PNPLA5: variants seen among roughly 807,000 people sequenced by gnomAD.
PNPLA5 encodes patatin-like phospholipase domain-containing protein 5.
In PNPLA5, 44 loss-of-function variants were observed where a neutral mutation model predicts 49.1. The ratio of observed to expected loss-of-function variants is 0.90; its 90% CI spans 0.70 to 1.15. PNPLA5 has a LOEUF of 1.15. Among genes scored for constraint, PNPLA5 ranks in the 50% most tolerant of loss-of-function variants. The pLI, the probability that PNPLA5 is intolerant of heterozygous loss-of-function variation, is 0.00. For missense variants in PNPLA5, 603 were observed against 564.0 expected (o/e 1.07, Z -0.70); for synonymous variants, 243 against 244.4 (o/e 0.99, Z 0.06).
intron 2 of PNPLA5, 189 bp from the exon 3 acceptor site, chr22:43,890,053 C>A: frequency 7.3e-7 from 1 of 1,375,082 alleles, no homozygotes; most frequent in South Asian, 1.6e-5. Flanking sequence ...GCACCTCTGT[C>A]TTGACACCCA....
At position 43,884,314 on chromosome 22, in the gene PNPLA5, G is replaced by A; in HGVS notation, c.981C>T (p.Ser327=). Residue 327 remains serine (S), a synonymous_variant, in exon 7 of 9, where the codon AGC becomes AGT. Transcript: ENST00000216177. ...ALKKACTRDP[S]RWARFWHSGP... is the part of the protein sequence containing the mutation. ...CCGAGTGCCAGAAGCGGGCCCACCG[G>A]CTGGGATCCCTCGTACATGCTTTCT... The A allele has an allele frequency of 6.3e-7, 1 of 1,596,782 alleles. No homozygotes were observed. Among genetic ancestry groups the A allele is most frequent in the East Asian group, 2.3e-5 (1 of 42,996 alleles).
Position 43,881,574 on chromosome 22 carries a change from G to A in PNPLA5, c.1183C>T (p.Leu395Phe). 6.2e-7 allele frequency: 1 copy of A among 1,600,616 alleles called. No individual in the cohort carries two copies. Among genetic ancestry groups the A allele is most frequent in the South Asian group, 1.1e-5 (1 of 88,686 alleles). The change falls in exon 8 of 9, where the codon CTC (leucine) becomes TTC (phenylalanine). Residue 395 changes from leucine (L) to phenylalanine (F), a missense_variant. Transcript: ENST00000216177. ...LEVFSRTKAQLLGPISPPATR... is the reference protein window; with the variant it reads ...LEVFSRTKAQFLGPISPPATR... The stretch of plus-strand genomic sequence containing the variant: ...CCACCTCACCTGATGGGCCCAAGGA[G>A]CTGGGCCTTGGTCCTGGAGAAAACC...
At chr22:43,885,282 G>A (rs965297721) in intron 6 of PNPLA5, among the ~76,000 whole-genome samples, 2 of 152,084 alleles carry the variant, frequency 1.3e-5, no homozygotes, top group African/African-American at 4.8e-5. Context: ...TGTGGTCTCC[G>A]GCATGGAAAG....
intron 7 of PNPLA5, among the ~76,000 whole-genome samples, chr22:43,883,447 C>T (rs991622638): frequency 7.2e-5 from 11 of 152,256 alleles, no homozygotes; most frequent in African/African-American, 2.4e-4. Context: ...CAGACGGGCA[C>T]ATTAACCAGC....
intron 1 of PNPLA5, 95 bp downstream of exon 1, chr22:43,891,593 C>A: frequency 7.1e-7 from 1 of 1,412,410 alleles, no homozygotes; most frequent in Non-Finnish European, 9.4e-7. Flanking sequence ...GGGTAGAGGG[C>A]GCAGAGCACA....
chr22:43,887,672 G>A (rs2049679956), intron 4 of PNPLA5, 21 bp from the exon 5 acceptor site: 2 of 1,592,774 alleles, frequency 1.3e-6, no homozygotes, highest in Non-Finnish European at 1.7e-6. Flanking sequence ...ACAGGGCAAG[G>A]GTGAGATGGG....
chr22:43,891,289 A>G lies in PNPLA5; in HGVS notation c.199T>C (p.Cys67Arg). The change falls in exon 2 of 9, where the codon TGC (cysteine) becomes CGC (arginine). Residue 67 changes from cysteine to arginine, a missense_variant. Cys to Arg is a radical substitution (Grantham distance 180, BLOSUM62 -3). Coordinates refer to ENST00000216177, the MANE Select transcript of PNPLA5 (RefSeq NM_138814.4). ...ACCATGCCCAGGAGGTGGGAGCAGC[A>G]GAAGTCTGCAGTGGGGGCAGGGAAA... ...SIVCGKSVDFCCSHLLGMVGQ... is the reference protein window; with the variant it reads ...SIVCGKSVDFRCSHLLGMVGQ... 6.4e-7 allele frequency: 1 copy of G among 1,555,528 alleles called. No homozygotes were observed. The highest frequency in any genetic ancestry group is 8.7e-7 in the Non-Finnish European group (1 of 1,152,570).
chr22:43,889,233 C>T, intron 4 of PNPLA5, 96 bp downstream of exon 4: 3 of 1,395,854 alleles, frequency 2.1e-6, no homozygotes, highest in Non-Finnish European at 3.0e-6. Context: ...TGCCTTCAGG[C>T]TCGGGGGGCA....
At chr22:43,886,709 A>G in intron 5 of PNPLA5, 1 of 651,806 alleles carries the variant, frequency 1.5e-6, no homozygotes, top group Non-Finnish European at 1.9e-6. Context: ...CCAGACCCCA[A>G]AGACACAATC....
intron 3 of PNPLA5, 63 bp from the exon 4 acceptor site, chr22:43,889,601 C>T (rs755700767): frequency 3.9e-6 from 6 of 1,547,954 alleles, no homozygotes; most frequent in Non-Finnish European, 4.4e-6. Flanking sequence ...ACACTGGCTG[C>T]AGCCGGTGAC....
chr22:43,880,615 G>C lies in PNPLA5; in HGVS notation c.*180C>G. ...GGCAAGAGGGAGGGCAGGTGACCTG[G>C]GTACACAGTGACCGGGGACATGCTG... On this transcript the variant is annotated 3_prime_UTR_variant, in exon 9 of 9. Transcript: ENST00000216177. 2.0e-6 allele frequency: 1 copy of C among 499,270 alleles called. No individual in the cohort carries two copies. The highest frequency in any genetic ancestry group is 3.1e-6 in the Non-Finnish European group (1 of 317,736). 30.9% of individuals were successfully genotyped at this position (499,270 alleles called of 1,614,324 possible). A position where few individuals can be genotyped will look rare whatever the true frequency, so the allele number is the denominator to read the frequency against.
At chr22:43,887,314 C>G (rs1425062028) in intron 5 of PNPLA5, among the ~76,000 whole-genome samples, 1 of 152,160 alleles carries the variant, frequency 6.6e-6, no homozygotes, top group Admixed American at 6.5e-5. Flanking sequence ...CTCTGGACTC[C>G]CACAGCCTTG....
At position 43,886,363 on chromosome 22, in the gene PNPLA5, G is replaced by T. The variant is rs141704319; in HGVS notation, c.889C>A (p.Pro297Thr). ...GGTACATCCTTGACTTGCACATGGG[G>T]CACTTTCCAGTTGAGAGACAGGCCC... ...KGGLSLNWKVPHVQVKDVPNF... is the reference protein window; with the variant it reads ...KGGLSLNWKVTHVQVKDVPNF... The change falls in exon 6 of 9, where the codon CCC (proline) becomes ACC (threonine). Residue 297 changes from proline (P) to threonine (T), a missense_variant. Transcript: ENST00000216177. The T allele has an allele frequency of 1.9e-6, 3 of 1,614,034 alleles. No homozygotes were observed. The African/African-American group carries it at 4.0e-5, about 22-fold the overall frequency.
At chr22:43,889,935 T>C (rs772342082) in intron 2 of PNPLA5, 71 bp from the exon 3 acceptor site, 10 of 1,570,120 alleles carry the variant, frequency 6.4e-6, no homozygotes, top group Non-Finnish European at 8.6e-6. Flanking sequence ...CTAGGCACGG[T>C]TTCTAATCCC....
chr22:43,881,862 G>A, intron 7 of PNPLA5, 188 bp from the exon 8 acceptor site: 1 of 701,940 alleles, frequency 1.4e-6, no homozygotes, highest in South Asian at 6.3e-5. Context: ...ACACCTGCAG[G>A]GTTGGAAAGA....
intron 1 of PNPLA5, 107 bp downstream of exon 1, chr22:43,891,580 CG>C: frequency 1.5e-6 from 2 of 1,373,360 alleles, no homozygotes; most frequent in African/African-American, 1.5e-5. Flanking sequence ...GAGGCTGTGC[CG>C]GGGGTAGAGG....
chr22:43,891,636 G>T (rs1386457009), intron 1 of PNPLA5, 52 bp downstream of exon 1: 3 of 1,486,674 alleles, frequency 2.0e-6, no homozygotes, highest in Non-Finnish European at 2.7e-6. Flanking sequence ...GGCTCGATCC[G>T]CTTTCATTAA....
intron 4 of PNPLA5, 100 bp downstream of exon 4, chr22:43,889,229 C>T: frequency 7.3e-7 from 1 of 1,372,434 alleles, no homozygotes; most frequent in South Asian, 1.3e-5. Flanking sequence ...TAACTGCCTT[C>T]AGGCTCGGGG....
chr22:43,882,157 C>T (rs532363321), intron 7 of PNPLA5, among the ~76,000 whole-genome samples: 1 of 152,336 alleles, frequency 6.6e-6, no homozygotes, highest in East Asian at 1.9e-4. Flanking sequence ...ACCCCATGCC[C>T]CTTCGTCCAC....
Sources: allele counts gnomAD v4.1 joint callset (sites outside exome capture counted in the v4.1 genomes callset), GRCh38; gene constraint gnomAD v4.1.1; transcripts MANE v1.5; gene names NCBI Gene and HGNC (gene_info 2026-07-23, HGNC 2026-07-21).